The following FBXO24 variants were observed in gnomAD, a reference collection of about 807,000 sequenced individuals.
The protein encoded by FBXO24 is F-box only protein 24.
A neutral mutation model predicts 63.5 loss-of-function variants in FBXO24; 30 were observed. The observed-to-expected ratio is 0.47, with a 90% CI of 0.35 to 0.64. FBXO24 has a LOEUF of 0.64. Among genes scored for constraint, FBXO24 ranks in the 30% least tolerant of loss-of-function variants. The probability of loss-of-function intolerance (pLI) is 0.00; values close to 1 mark genes in which losing one functional copy is unlikely to be tolerated. For missense variants in FBXO24, 624 were observed against 763.4 expected, an observed-to-expected ratio of 0.82 and a Z score of 2.15; for synonymous variants, 300 against 305.0, an observed-to-expected ratio of 0.98 and a Z score of 0.17.
In FBXO24 at chr7:100,586,348, A is replaced by G. The variant is rs568327537; in HGVS notation, c.-278A>G. 798 of 647,652 alleles carry G rather than the reference A, an allele frequency of 1.2e-3. 16 individuals carry two copies. In the South Asian group the frequency reaches 0.015, roughly 12 times the overall value. 40.1% of individuals were successfully genotyped at this position (647,652 alleles called of 1,614,324 possible). A position where few individuals can be genotyped will look rare whatever the true frequency, so the allele number is the denominator to read the frequency against. ...AGGATAGAGCGCTCGCCAACGGCCG[A>G]CGCTCCAGGCCGTCCCGCCCAGCGC... On this transcript the variant is annotated 5_prime_UTR_variant, in exon 1 of 10. Coordinates refer to ENST00000241071, the MANE Select transcript of FBXO24 (RefSeq NM_033506.3).
chr7:100,598,995 AT>A (rs1027238662), intron 8 of FBXO24, among the ~76,000 whole-genome samples: 1 of 152,056 alleles, frequency 6.6e-6, no homozygotes, highest in African/African-American at 2.4e-5. Flanking sequence ...AAAAAAAAAA[AT>A]GCTAGAGGCT....
rs762083093 is a variant in FBXO24, at chr7:100,595,559, C to T, written c.1075-16C>T. The T allele has an allele frequency of 6.4e-6, 10 of 1,570,822 alleles. No homozygotes were observed. Among genetic ancestry groups the T allele is most frequent in the Non-Finnish European group, 4.3e-6 (5 of 1,154,526 alleles). On this transcript the variant is annotated splice_polypyrimidine_tract_variant and intron_variant, in intron 7 of 9. Coordinates refer to ENST00000241071, the MANE Select transcript of FBXO24 (RefSeq NM_033506.3). Reference sequence around the variant, plus strand: ...AGGGAATGGAATCCCTATCCCCTTTCTATCTTGCACGCTAGATCCTATTCT... The same window carrying T: ...AGGGAATGGAATCCCTATCCCCTTTTTATCTTGCACGCTAGATCCTATTCT...
At chr7:100,588,403 T>C (rs1198622057) in intron 1 of FBXO24, among the ~76,000 whole-genome samples, 2 of 152,180 alleles carry the variant, frequency 1.3e-5, no homozygotes, top group African/African-American at 4.8e-5. Flanking sequence ...ATCTCAGAGG[T>C]TGATATTCCT....
chr7:100,600,226 GCAC>G lies in FBXO24; in HGVS notation c.1377+27_1377+29del, dbSNP rs755227302. ...GGTCAGAGCGGGGTCAGGAGAGTGG[GCAC>G]CCAGGGAGGATGAGAGCCATGAACC... On this transcript the variant is annotated intron_variant, in intron 9 of 9. Transcript: ENST00000241071. The surrounding 1 kb of genome is among the most constrained non-coding windows in gnomAD (Gnocchi z 6.3). 3 of 1,501,348 alleles carry G rather than the reference GCAC, an allele frequency of 2.0e-6. No individual in the cohort carries two copies. The African/African-American group carries it at 4.2e-5, about 21-fold the overall frequency. The allele number at this position is 1,501,348 out of a possible 1,614,324, so 93.0% of individuals were successfully genotyped here.
chr7:100,592,027 G>GATCCGCCTGCCTC, intron 4 of FBXO24, 125 bp downstream of exon 4: 2 of 906,050 alleles, frequency 2.2e-6, no homozygotes, highest in African/African-American at 1.6e-5. Context: ...TTGGGAGGCT[G>GATCCGCCTGCCTC]AGGCAGGCGG....
At chr7:100,593,039 T>C in intron 5 of FBXO24, 22 bp downstream of exon 5, 1 of 1,603,768 alleles carries the variant, frequency 6.2e-7, no homozygotes, top group Non-Finnish European at 8.5e-7. Context: ...AGCAATGGCT[T>C]TTGCAAACTG....
rs1480210612 is a variant in FBXO24 at position 100,595,196 on chromosome 7, G to C, written c.1047G>C (p.Met349Ile). The C allele has an allele frequency of 6.2e-7, 1 of 1,614,026 alleles. No homozygotes were observed. Among genetic ancestry groups the C allele is most frequent in the Non-Finnish European group, 8.5e-7 (1 of 1,180,020 alleles). ...CCTTTGACCCCCTGGACCAGCAGAT[G>C]CCGCTTGCTCTCTCACTGCCTGCCA... ...LQAFDPLDQQ[M>I]PLALSLPAKI... The change falls in exon 7 of 10, where the codon ATG (methionine) becomes ATC (isoleucine). Residue 349 changes from methionine to isoleucine, a missense_variant. Transcript: ENST00000241071.
In FBXO24 at chr7:100,590,278, C is replaced by A. The variant is rs1801950590; in HGVS notation, c.243C>A (p.Arg81=). The A allele has an allele frequency of 1.9e-6, 3 of 1,614,194 alleles. No homozygotes were observed. The highest frequency in any genetic ancestry group is 2.5e-6 in the Non-Finnish European group (3 of 1,180,030). Residue 81 remains arginine, a synonymous_variant, in exon 3 of 10, where the codon CGC becomes CGA. Transcript: ENST00000241071. ...EVCDGEGVWR[R]ICRRLSPRLQ... ...GCGATGGGGAAGGCGTGTGGAGACG[C>A]ATCTGTCGCAGACTCAGTCCGCGCC...
rs1249197309 is a variant in FBXO24 at position 100,600,466 on chromosome 7, C to T, written c.1378-68C>T. The T allele has an allele frequency of 2.0e-5, 30 of 1,520,410 alleles. No individual in the cohort carries two copies. Among genetic ancestry groups the T allele is most frequent in the Admixed American group, 1.3e-4 (6 of 44,800 alleles). 94.2% of individuals were successfully genotyped at this position (1,520,410 alleles called of 1,614,324 possible). A position where few individuals can be genotyped will look rare whatever the true frequency, so the allele number is the denominator to read the frequency against. ...GAAGAATGCAATAGGCAGATTAGCC[C>T]GGGCACCCTGGGAAACCCTGCAAGG... is the stretch of plus-strand genomic sequence containing the variant. On this transcript the variant is annotated intron_variant, in intron 9 of 9. Coordinates refer to ENST00000241071, the MANE Select transcript of FBXO24 (RefSeq NM_033506.3). This position sits in a 1 kb window ranked among gnomAD's most constrained non-coding sequence, Gnocchi z 6.3.
intron 5 of FBXO24, among the ~76,000 whole-genome samples, chr7:100,593,995 C>G (rs1033764572): frequency 6.6e-6 from 1 of 151,926 alleles, no homozygotes; most frequent in African/African-American, 2.4e-5. Context: ...CTATGTTGCC[C>G]AGGCTGGTCT....
At position 100,594,597 on chromosome 7, in the gene FBXO24, A is replaced by G; in HGVS notation, c.952+56A>G. ...GCAGCCTTGGTTAGACCCTCTAAAC[A>G]TCAACACCCTTCACCCTTACTCCAG... On this transcript the variant is annotated intron_variant, in intron 6 of 9. Coordinates refer to ENST00000241071, the MANE Select transcript of FBXO24 (RefSeq NM_033506.3). This position sits in a 1 kb window ranked among gnomAD's most constrained non-coding sequence, Gnocchi z 4.2. 3.4e-6 allele frequency: 5 copies of G among 1,456,290 alleles called. No individual in the cohort carries two copies. The highest frequency in any genetic ancestry group is 4.5e-6 in the Non-Finnish European group (5 of 1,101,728). 90.2% of individuals were successfully genotyped at this position (1,456,290 alleles called of 1,614,324 possible).
rs767064206 is a variant in FBXO24, at chr7:100,590,266, C to T, written c.231C>T (p.Gly77=). ...TCCACGAAGTGTGCGATGGGGAAGG[C>T]GTGTGGAGACGCATCTGTCGCAGAC... ...RYFHEVCDGE[G]VWRRICRRLS... Residue 77 remains glycine, a synonymous_variant, in exon 3 of 10, where the codon GGC becomes GGT. Coordinates refer to ENST00000241071, the MANE Select transcript of FBXO24 (RefSeq NM_033506.3). 5.6e-6 allele frequency: 9 copies of T among 1,614,022 alleles called. No individual in the cohort carries two copies. Among genetic ancestry groups the T allele is most frequent in the African/African-American group, 1.3e-5 (1 of 74,904 alleles).
chr7:100,595,069 A>G (rs1417498224), intron 6 of FBXO24, 33 bp from the exon 7 acceptor site: 1 of 1,611,870 alleles, frequency 6.2e-7, no homozygotes, highest in Non-Finnish European at 8.5e-7. Context: ...TGGGTGCCCA[A>G]AGCTGCTGAG....
chr7:100,593,998 G>C (rs1288531823), intron 5 of FBXO24, among the ~76,000 whole-genome samples: 1 of 151,862 alleles, frequency 6.6e-6, no homozygotes, highest in Non-Finnish European at 1.5e-5. Flanking sequence ...TGTTGCCCAG[G>C]CTGGTCTCGA....
Position 100,590,290 on chromosome 7 carries a change from A to C in FBXO24, c.255A>C (p.Arg85Ser), listed in dbSNP as rs1801951880. The change falls in exon 3 of 10, where the codon AGA becomes AGC. Residue 85 changes from arginine (R) to serine (S), a missense_variant. Transcript: ENST00000241071. ...GCGTGTGGAGACGCATCTGTCGCAG[A>C]CTCAGTCCGCGCCTCCAAGATCAGG... ...GEGVWRRICR[R>S]LSPRLQDQGS... 3.7e-6 allele frequency: 6 copies of C among 1,613,918 alleles called. 1 individual carries two copies. The Admixed American group carries it at 1.0e-4, about 27-fold the overall frequency.
chr7:100,586,791 C>T (rs764699625), intron 1 of FBXO24, 127 bp downstream of exon 1: 10 of 1,037,778 alleles, frequency 9.6e-6, no homozygotes, highest in Admixed American at 1.9e-5. Flanking sequence ...GCGTCCAGGG[C>T]TTGAGGGGAT....
intron 1 of FBXO24, 36 bp downstream of exon 1, chr7:100,586,700 A>C (rs750686215): frequency 1.2e-6 from 2 of 1,612,962 alleles, no homozygotes; most frequent in Admixed American, 1.7e-5. Flanking sequence ...TTAAGAATGA[A>C]CGCGGAGCCC....
intron 3 of FBXO24, 50 bp downstream of exon 3, chr7:100,590,407 G>C: frequency 6.4e-7 from 1 of 1,555,960 alleles, no homozygotes; most frequent in Non-Finnish European, 8.7e-7. Flanking sequence ...TCCCGCCTTA[G>C]CCTTCCTGCT....
Position 100,600,823 on chromosome 7 carries a change from TC to T in FBXO24, c.1668del (p.Trp557GlyfsTer17). 1 of 1,614,096 alleles carries T rather than the reference TC, an allele frequency of 6.2e-7. No homozygotes were observed. Among genetic ancestry groups the T allele is most frequent in the African/African-American group, 1.3e-5 (1 of 75,026 alleles). On this transcript the variant is annotated frameshift_variant, in exon 10 of 10. Transcript: ENST00000241071. LOFTEE classifies it high-confidence loss of function. The surrounding 1 kb of genome is among the most constrained non-coding windows in gnomAD (Gnocchi z 6.3). ...CTGATGGCCGCACAGAAGGACTTCT[TC>T]TGGGAGGCCCTGGACATGCTGCAGA... ...MPLMAAQKDF[F>X]WEALDMLQRA...
Sources: gnomAD v4.1 joint callset for allele counts (sites outside exome capture counted in the v4.1 genomes callset) on GRCh38, gnomAD v4.1.1 for gene constraint, Gnocchi (gnomAD v3.1) non-coding constraint, MANE v1.5 for transcripts, NCBI Gene and HGNC (gene_info 2026-07-23, HGNC 2026-07-21) for gene names.